Variants in FCHSD2 observed in about 807,000 individuals in gnomAD.
The protein encoded by FCHSD2 is FCH and double SH3 domains 2, also known as F-BAR and double SH3 domains protein 2.
In FCHSD2, 38 loss-of-function variants were observed where a neutral mutation model predicts 108.1. The observed-to-expected ratio is 0.35, with a 90% CI of 0.27 to 0.46. FCHSD2 has a LOEUF of 0.46. Among genes scored for constraint, FCHSD2 ranks in the 20% least tolerant of loss-of-function variants. FCHSD2 has a pLI of 1.00. For synonymous variants in FCHSD2, 279 were observed against 314.7 expected (o/e 0.89, Z 1.20); for missense variants, 751 against 897.8 (o/e 0.84, Z 2.09).
intron 19 of FCHSD2, 120 bp downstream of exon 19, chr11:72,840,757 C>T: frequency 1.4e-6 from 1 of 698,530 alleles, no homozygotes; most frequent in Non-Finnish European, 2.5e-6. Context: ...CTTCCCAAAC[C>T]CAGTTCATCC....
intron 3 of FCHSD2, among the ~76,000 whole-genome samples, chr11:73,082,626 A>G (rs1397721149): frequency 6.6e-6 from 1 of 152,154 alleles, no homozygotes; most frequent in East Asian, 1.9e-4. Context: ...ATCTCTCATT[A>G]TTTATAATGA....
intron 2 of FCHSD2, among the ~76,000 whole-genome samples, chr11:73,124,213 G>T (rs1317787476): frequency 1.3e-5 from 2 of 152,092 alleles, no homozygotes; most frequent in Non-Finnish European, 2.9e-5. Context: ...TGAACAATGA[G>T]AACACCTGGA....
intron 3 of FCHSD2, among the ~76,000 whole-genome samples, chr11:73,023,818 T>C (rs1858165169): frequency 6.6e-6 from 1 of 152,176 alleles, no homozygotes; most frequent in African/African-American, 2.4e-5. Context: ...GAATAGTACT[T>C]AGCAATTAAA....
intron 6 of FCHSD2, among the ~76,000 whole-genome samples, chr11:72,987,379 A>C (rs1183261243): frequency 1.3e-4 from 20 of 152,190 alleles, no homozygotes; most frequent in Admixed American, 1.3e-3. Context: ...TTACTACTGC[A>C]AGTAAGTTAT....
At chr11:72,916,968 C>CTTTTTTTTTTTTT (rs71062793) in intron 9 of FCHSD2, among the ~76,000 whole-genome samples, 4 of 118,798 alleles carry the variant, frequency 3.4e-5, no homozygotes, top group African/African-American at 1.3e-4. Context: ...GAACTTCATT[C>CTTTTTTTTTTTTT]TTTTTTTTTT....
At chr11:72,935,155 G>A (rs1270930451) in intron 8 of FCHSD2, among the ~76,000 whole-genome samples, 4 of 152,120 alleles carry the variant, frequency 2.6e-5, no homozygotes, top group Admixed American at 6.5e-5. Context: ...TTAGAAATCT[G>A]GAATGCTCCA....
chr11:72,849,246 A>G (rs1861224384), intron 14 of FCHSD2, among the ~76,000 whole-genome samples: 1 of 152,198 alleles, frequency 6.6e-6, no homozygotes, highest in Non-Finnish European at 1.5e-5. Context: ...TCATCCCACA[A>G]TTATCTACTG....
intron 4 of FCHSD2, among the ~76,000 whole-genome samples, chr11:73,003,351 C>G (rs1857665471): frequency 6.6e-6 from 1 of 152,138 alleles, no homozygotes; most frequent in South Asian, 2.1e-4. Flanking sequence ...TACACAGATT[C>G]TTTTAAATGA....
chr11:73,082,470 A>G (rs964884226), intron 3 of FCHSD2, among the ~76,000 whole-genome samples: 1 of 152,056 alleles, frequency 6.6e-6, no homozygotes, highest in Non-Finnish European at 1.5e-5. Flanking sequence ...CAATGAATTA[A>G]TTAGTTCTGT....
chr11:72,874,062 C>T (rs1854918687), intron 12 of FCHSD2, among the ~76,000 whole-genome samples: 1 of 152,138 alleles, frequency 6.6e-6, no homozygotes, highest in Admixed American at 6.6e-5. Context: ...TGATCTGGTG[C>T]TGCCCAAGTA....
intron 2 of FCHSD2, among the ~76,000 whole-genome samples, chr11:73,131,619 G>A (rs946414402): frequency 4.6e-5 from 7 of 151,522 alleles, no homozygotes; most frequent in South Asian, 2.1e-4. Context: ...CACAAGGATC[G>A]CTTGAGTCTG....
At chr11:73,074,301 A>G (rs1007228138) in intron 3 of FCHSD2, among the ~76,000 whole-genome samples, 1 of 152,224 alleles carries the variant, frequency 6.6e-6, no homozygotes, top group Non-Finnish European at 1.5e-5. Context: ...GCAAGACTAC[A>G]TAATATCATA....
intron 3 of FCHSD2, among the ~76,000 whole-genome samples, chr11:73,038,450 G>A (rs1858552689): frequency 6.6e-6 from 1 of 152,190 alleles, no homozygotes; most frequent in Non-Finnish European, 1.5e-5. Flanking sequence ...AAAATGGGCA[G>A]TGACTCAAGA....
intron 2 of FCHSD2, among the ~76,000 whole-genome samples, chr11:73,084,810 T>C (rs1470292724): frequency 6.6e-6 from 1 of 152,228 alleles, no homozygotes; most frequent in South Asian, 2.1e-4. Context: ...CTTACAAACA[T>C]AGGCATTGTA....
chr11:73,057,148 G>C (rs938036918), intron 3 of FCHSD2, among the ~76,000 whole-genome samples: 3 of 152,108 alleles, frequency 2.0e-5, no homozygotes, highest in African/African-American at 7.2e-5. Flanking sequence ...TTTGCATCGT[G>C]AAGTACATAA....
chr11:72,873,293 C>A (rs565855051), intron 12 of FCHSD2, among the ~76,000 whole-genome samples: 3 of 150,960 alleles, frequency 2.0e-5, no homozygotes, highest in African/African-American at 7.3e-5. Context: ...CGCGCCACTG[C>A]ACTCCAGCCC....
intron 3 of FCHSD2, among the ~76,000 whole-genome samples, chr11:73,052,135 G>A (rs897314563): frequency 1.4e-4 from 22 of 152,008 alleles, no homozygotes; most frequent in African/African-American, 4.8e-4. Context: ...CATTTCCTTT[G>A]GTATATATGT....
chr11:73,071,337 A>C (rs1267955728), intron 3 of FCHSD2, among the ~76,000 whole-genome samples: 1 of 152,138 alleles, frequency 6.6e-6, no homozygotes, highest in Non-Finnish European at 1.5e-5. Context: ...CATGATTTCC[A>C]ACCCCACCAC....
At chr11:73,067,879 G>C (rs975940837) in intron 3 of FCHSD2, among the ~76,000 whole-genome samples, 3 of 152,164 alleles carry the variant, frequency 2.0e-5, no homozygotes, top group African/African-American at 4.8e-5. Flanking sequence ...ACTCAAGACT[G>C]GGTAATTTAT....
Sources: allele counts gnomAD v4.1 joint callset (sites outside exome capture counted in the v4.1 genomes callset), GRCh38; gene constraint gnomAD v4.1.1; transcripts MANE v1.5; gene names NCBI Gene and HGNC (gene_info 2026-07-23, HGNC 2026-07-21).